ROBO1: variants seen among roughly 807,000 people sequenced by gnomAD.
ROBO1 encodes the protein roundabout guidance receptor 1.
A neutral mutation model predicts 195.9 loss-of-function variants in ROBO1; 149 were observed. The observed-to-expected ratio is 0.76, with a 90% CI of 0.67 to 0.87. ROBO1 has a LOEUF of 0.87. Among genes scored for constraint, ROBO1 ranks in the 40% least tolerant of loss-of-function variants. The pLI is 0.00. For missense variants in ROBO1, 1,933 were observed against 2,068.3 expected, an observed-to-expected ratio of 0.93 and a Z score of 1.27; for synonymous variants, 816 against 733.2, an observed-to-expected ratio of 1.11 and a Z score of -1.82.
intron 2 of ROBO1, among the ~76,000 whole-genome samples, chr3:79,589,391 G>A (rs1943925930): frequency 6.6e-6 from 1 of 151,586 alleles, no homozygotes; most frequent in Non-Finnish European, 1.5e-5. Flanking sequence ...TGTTCAGCCT[G>A]TTAATTAACA....
intron 2 of ROBO1, among the ~76,000 whole-genome samples, chr3:79,567,776 CTTAAT>C (rs1212940277): frequency 6.6e-6 from 1 of 151,970 alleles, no homozygotes; most frequent in South Asian, 2.1e-4. Context: ...TTGGTTCTCC[CTTAAT>C]TTAAATTATT....
chr3:79,082,078 A>T lies in ROBO1; in HGVS notation c.172+43378T>A, dbSNP rs1304679058. On this transcript the variant is annotated intron_variant, in intron 3 of 30. Coordinates refer to ENST00000464233, the MANE Select transcript of ROBO1 (RefSeq NM_002941.4). ...AAATATTACCTAGAAAGCTAACTTTAAAGTGTCCTTATAAATTCAAAGACT... is the reference window on the plus strand; with the variant it reads ...AAATATTACCTAGAAAGCTAACTTTTAAGTGTCCTTATAAATTCAAAGACT... 2.0e-5 allele frequency among the ~76,000 whole-genome samples: 3 copies of T among 152,206 alleles called. No homozygotes were observed. In the East Asian group the frequency reaches 5.8e-4, roughly 29 times the overall value.
At chr3:79,451,610 T>C (rs1348475661) in intron 2 of ROBO1, among the ~76,000 whole-genome samples, 1 of 152,150 alleles carries the variant, frequency 6.6e-6, no homozygotes, top group Non-Finnish European at 1.5e-5. Flanking sequence ...TGTGGTAATA[T>C]TCACTGCAGC....
rs74715114 is a variant in ROBO1 at position 78,668,181 on chromosome 3, A to G, written c.1752T>C (p.Asn584=). ...RNTVTLSWQP[N]LNSGATPTSY... ...ATGTTGGAGTTGCTCCTGAATTCAA[A>G]TTTGGTTGCCACGATAATGTGACTG... is the stretch of plus-strand genomic sequence containing the variant. Residue 584 remains asparagine, a synonymous_variant, in exon 13 of 31, where the codon AAT becomes AAC. Transcript: ENST00000464233. 4.4e-4 allele frequency: 702 copies of G among 1,613,464 alleles called. 6 individuals carry two copies. In the African/African-American group the frequency reaches 8.1e-3, roughly 19 times the overall value.
intron 3 of ROBO1, among the ~76,000 whole-genome samples, chr3:79,006,756 GGA>G (rs149038226): frequency 0.2 from 9,597 of 48,150 alleles, 454 homozygotes; most frequent in Non-Finnish European, 0.28. Context: ...ACAAAATATC[GGA>G]AAAAAAAAAA....
intron 2 of ROBO1, among the ~76,000 whole-genome samples, chr3:79,357,147 T>G (rs576084836): frequency 6.6e-6 from 1 of 152,258 alleles, no homozygotes; most frequent in East Asian, 1.9e-4. Flanking sequence ...TAAGAAAAAT[T>G]ACCCTAGAAA....
At chr3:79,457,309 G>C (rs1397561967) in intron 2 of ROBO1, among the ~76,000 whole-genome samples, 3 of 152,026 alleles carry the variant, frequency 2.0e-5, no homozygotes, top group Non-Finnish European at 2.9e-5. Context: ...ACTGTTATTA[G>C]TTATAAATGT....
At chr3:78,751,375 G>A (rs2082792528) in intron 4 of ROBO1, among the ~76,000 whole-genome samples, 1 of 152,112 alleles carries the variant, frequency 6.6e-6, no homozygotes, top group Non-Finnish European at 1.5e-5. Flanking sequence ...AACATTTACT[G>A]TGTAAGGAAC....
At chr3:79,317,999 C>T (rs1041815023) in intron 2 of ROBO1, among the ~76,000 whole-genome samples, 1 of 152,078 alleles carries the variant, frequency 6.6e-6, no homozygotes, top group African/African-American at 2.4e-5. Flanking sequence ...ATCTGCAGAG[C>T]CAATGTCCTA....
intron 2 of ROBO1, among the ~76,000 whole-genome samples, chr3:79,522,620 A>T (rs1265524849): frequency 6.6e-6 from 1 of 152,120 alleles, no homozygotes; most frequent in African/African-American, 2.4e-5. Flanking sequence ...GGGAGCTTTA[A>T]ATGGAAAGGG....
At chr3:79,634,152 G>A (rs529430593) in intron 1 of ROBO1, among the ~76,000 whole-genome samples, 226 of 152,298 alleles carry the variant, frequency 1.5e-3, no homozygotes, top group Middle Eastern at 3.4e-3. Flanking sequence ...GGTTGCCTCT[G>A]CAAATATACT....
At chr3:79,474,756 C>T (rs1444112738) in intron 2 of ROBO1, among the ~76,000 whole-genome samples, 1 of 152,032 alleles carries the variant, frequency 6.6e-6, no homozygotes, top group African/African-American at 2.4e-5. Context: ...ATATATAATA[C>T]ATTTAAAGAC....
intron 1 of ROBO1, among the ~76,000 whole-genome samples, chr3:79,655,418 A>C (rs1012226018): frequency 1.3e-5 from 2 of 152,028 alleles, no homozygotes; most frequent in Non-Finnish European, 2.9e-5. Flanking sequence ...TATCTTCAAA[A>C]AGGAAGTTGC....
At chr3:79,022,666 C>T (rs1257951577) in intron 3 of ROBO1, among the ~76,000 whole-genome samples, 1 of 152,152 alleles carries the variant, frequency 6.6e-6, no homozygotes, top group East Asian at 1.9e-4. Context: ...AGACACAGCA[C>T]CAGGAAGGAG....
At chr3:79,702,085 T>C (rs1365785780) in intron 1 of ROBO1, among the ~76,000 whole-genome samples, 1 of 151,690 alleles carries the variant, frequency 6.6e-6, no homozygotes, top group Non-Finnish European at 1.5e-5. Flanking sequence ...TAAAACTAAA[T>C]ATCATCAGGT....
At chr3:79,687,249 A>G (rs529574084) in intron 1 of ROBO1, among the ~76,000 whole-genome samples, 2 of 144,464 alleles carry the variant, frequency 1.4e-5, no homozygotes, top group South Asian at 2.4e-4. Flanking sequence ...TGTTAGACCT[A>G]AAACCATAAA....
At chr3:78,733,223 T>C (rs570322274) in intron 5 of ROBO1, among the ~76,000 whole-genome samples, 5 of 152,266 alleles carry the variant, frequency 3.3e-5, no homozygotes, top group African/African-American at 9.6e-5. Context: ...TCTTCACCAA[T>C]TGCAAGTAAT....
In ROBO1 at chr3:78,982,610, C is replaced by T. The variant is rs79640368; in HGVS notation, c.173-43683G>A. ...ATTGTAAAAGTAAGCCCCATAGCTGCCTTTTTGTAAATTTTACTTTTTTCT... is the reference window on the plus strand; with the variant it reads ...ATTGTAAAAGTAAGCCCCATAGCTGTCTTTTTGTAAATTTTACTTTTTTCT... On this transcript the variant is annotated intron_variant, in intron 3 of 30. Transcript: ENST00000464233. Among the ~76,000 whole-genome samples the T allele has an allele frequency of 5.6e-3, 850 of 152,104 alleles. 6 individuals carry two copies. Among genetic ancestry groups the T allele is most frequent in the African/African-American group, 0.019 (803 of 41,528 alleles).
chr3:79,125,568 T>A (rs1435394809), intron 2 of ROBO1, 29 bp from the exon 3 acceptor site: 1 of 1,576,394 alleles, frequency 6.3e-7, no homozygotes, highest in African/African-American at 1.3e-5. Context: ...GAGCTGCTGA[T>A]GGGGTCACAG....
Sources: allele counts gnomAD v4.1 joint callset (sites outside exome capture counted in the v4.1 genomes callset), GRCh38; gene constraint gnomAD v4.1.1; transcripts MANE v1.5; gene names NCBI Gene and HGNC (gene_info 2026-07-23, HGNC 2026-07-21).